The following PRORP variants were observed in gnomAD, a reference collection of about 807,000 sequenced individuals.
PRORP encodes protein only RNase P catalytic subunit.
In PRORP, 51 loss-of-function variants were observed where a neutral mutation model predicts 59.4. The observed-to-expected ratio is 0.86, with a 90% CI of 0.69 to 1.08. The LOEUF (loss-of-function observed/expected upper bound fraction) is 1.08. Among genes scored for constraint, PRORP ranks in the 50% least tolerant of loss-of-function variants. The pLI is 0.00. For synonymous variants in PRORP, 231 were observed against 245.6 expected (o/e 0.94, Z 0.55); for missense variants, 646 against 690.3 (o/e 0.94, Z 0.72).
chr14:35,256,702 C>G (rs1438700955), intron 5 of PRORP, among the ~76,000 whole-genome samples: 1 of 151,864 alleles, frequency 6.6e-6, no homozygotes, highest in Non-Finnish European at 1.5e-5. Context: ...AATGATATGT[C>G]TGGGATTTGT....
chr14:35,175,443 T>A (rs2048424295), intron 4 of PRORP, among the ~76,000 whole-genome samples: 3 of 152,118 alleles, frequency 2.0e-5, no homozygotes, highest in Admixed American at 2.0e-4. Context: ...TTCTAACTGG[T>A]GTGAGATGGT....
At chr14:35,262,374 ATTACTAG>A (rs2050928140) in intron 5 of PRORP, 1 of 314,418 alleles carries the variant, frequency 3.2e-6, no homozygotes, top group Non-Finnish European at 6.2e-6. Flanking sequence ...TTTGCCTTTT[ATTACTAG>A]CCCAACTTTT....
At chr14:35,156,795 A>G (rs2047923493) in intron 4 of PRORP, among the ~76,000 whole-genome samples, 1 of 152,200 alleles carries the variant, frequency 6.6e-6, no homozygotes, top group African/African-American at 2.4e-5. Flanking sequence ...GTGTCCCCAG[A>G]TACAATGTCA....
At chr14:35,205,409 C>T (rs528147581) in intron 5 of PRORP, among the ~76,000 whole-genome samples, 1 of 152,250 alleles carries the variant, frequency 6.6e-6, no homozygotes, top group East Asian at 1.9e-4. Context: ...AGACTGGTCT[C>T]GAACTCCTGA....
rs1394795732 is a variant in PRORP, at chr14:35,221,785, G to A, written c.1275+41008G>A. 2.6e-5 allele frequency among the ~76,000 whole-genome samples: 4 copies of A among 152,186 alleles called. No individual in the cohort carries two copies. The East Asian group carries it at 5.8e-4, about 22-fold the overall frequency. ...GGTATTCAAGAACCATATTCTCTTC[G>A]TTTTTGAAAATCACAGTCATGTTTG... is the stretch of plus-strand genomic sequence containing the variant. On this transcript the variant is annotated intron_variant, in intron 5 of 7. Coordinates refer to ENST00000534898, the MANE Select transcript of PRORP (RefSeq NM_014672.4).
intron 5 of PRORP, among the ~76,000 whole-genome samples, chr14:35,245,322 G>A (rs2050456777): frequency 6.6e-6 from 1 of 152,102 alleles, no homozygotes; most frequent in Admixed American, 6.5e-5. Flanking sequence ...CCAAATACAG[G>A]CTCACTCAGG....
rs957389220 is a variant in PRORP, at chr14:35,275,446, A to G, written c.*1880A>G. On this transcript the variant is annotated 3_prime_UTR_variant, in exon 8 of 8. Coordinates refer to ENST00000534898, the MANE Select transcript of PRORP (RefSeq NM_014672.4). ...AGCTCTCCAGGAAAACATTGGATAT[A>G]TTGAGAGCATTAAAAGATACTGCAA... The G allele has an allele frequency of 6.6e-6, 1 of 152,220 alleles. No homozygotes were observed. Among genetic ancestry groups the G allele is most frequent in the Non-Finnish European group, 1.5e-5 (1 of 68,048 alleles). 9.4% of individuals were successfully genotyped at this position (152,220 alleles called of 1,614,324 possible).
At chr14:35,252,442 C>T (rs756392435) in intron 5 of PRORP, among the ~76,000 whole-genome samples, 1 of 152,096 alleles carries the variant, frequency 6.6e-6, no homozygotes, top group African/African-American at 2.4e-5. Flanking sequence ...AAAAAACAAA[C>T]AAACAAAAAA....
At chr14:35,266,909 T>C (rs1454325267) in intron 6 of PRORP, 34 bp downstream of exon 6, 4 of 1,611,510 alleles carry the variant, frequency 2.5e-6, no homozygotes, top group Non-Finnish European at 3.4e-6. Flanking sequence ...AATTATACTG[T>C]GCTGCAGACA....
At chr14:35,264,548 A>G (rs1020712210) in intron 5 of PRORP, among the ~76,000 whole-genome samples, 3 of 152,118 alleles carry the variant, frequency 2.0e-5, no homozygotes, top group Non-Finnish European at 2.9e-5. Context: ...GTGAGCCACC[A>G]TACCCGGCCC....
intron 4 of PRORP, among the ~76,000 whole-genome samples, chr14:35,154,090 T>A (rs1165743944): frequency 6.6e-6 from 1 of 152,228 alleles, no homozygotes; most frequent in African/African-American, 2.4e-5. Context: ...ACTCCAGCTC[T>A]GCAATGTTAA....
At chr14:35,152,548 C>T (rs555841576) in intron 4 of PRORP, among the ~76,000 whole-genome samples, 2 of 145,558 alleles carry the variant, frequency 1.4e-5, no homozygotes, top group African/African-American at 2.4e-5. Flanking sequence ...GGGCAGCGGC[C>T]GGGTGGAGGC....
intron 5 of PRORP, among the ~76,000 whole-genome samples, chr14:35,199,559 C>T (rs1243892856): frequency 6.6e-6 from 1 of 152,064 alleles, no homozygotes; most frequent in Non-Finnish European, 1.5e-5. Context: ...TTCCTTTTGC[C>T]TCACTGTGTG....
At chr14:35,164,231 G>T (rs2138962791) in intron 4 of PRORP, among the ~76,000 whole-genome samples, 1 of 152,320 alleles carries the variant, frequency 6.6e-6, no homozygotes, top group South Asian at 2.1e-4. Flanking sequence ...GCAGCTTGGA[G>T]ATTTCTCAAA....
chr14:35,145,648 A>T (rs1427664582), intron 4 of PRORP, among the ~76,000 whole-genome samples: 3 of 139,450 alleles, frequency 2.2e-5, no homozygotes, highest in Non-Finnish European at 3.2e-5. Context: ...TGGACCTGGG[A>T]GGCGGAGGTT....
At chr14:35,148,635 C>T (rs2047667449) in intron 4 of PRORP, among the ~76,000 whole-genome samples, 1 of 152,140 alleles carries the variant, frequency 6.6e-6, no homozygotes. Context: ...AGAGAGTCAG[C>T]CTGTCCCTTG....
rs904202044 is a variant in PRORP at position 35,191,833 on chromosome 14, C to T, written c.1275+11056C>T. ...AGCCAGCCACAATTACTCTTTCTCACTACTCCTATATCCAGTAGACTGACA... is the reference window on the plus strand; with the variant it reads ...AGCCAGCCACAATTACTCTTTCTCATTACTCCTATATCCAGTAGACTGACA... On this transcript the variant is annotated intron_variant, in intron 5 of 7. Coordinates refer to ENST00000534898, the MANE Select transcript of PRORP (RefSeq NM_014672.4). Among the ~76,000 whole-genome samples the T allele has an allele frequency of 2.0e-5, 3 of 151,650 alleles. No homozygotes were observed. The East Asian group carries it at 5.8e-4, about 29-fold the overall frequency.
chr14:35,123,958 A>G lies in PRORP; in HGVS notation c.713A>G (p.Lys238Arg). ...TTGTTGCTGTTAGAGGACATCAAAA[A>G]AGTTATAACTCCTTCAAAAAAGAAC... ...EALLLLEDIKKVITPSKKNYN... is the reference protein window; with the variant it reads ...EALLLLEDIKRVITPSKKNYN... The change falls in exon 2 of 8, where the codon AAA becomes AGA. Residue 238 changes from lysine (K) to arginine (R), a missense_variant. Coordinates refer to ENST00000534898, the MANE Select transcript of PRORP (RefSeq NM_014672.4). 6.2e-7 allele frequency: 1 copy of G among 1,614,158 alleles called. No individual in the cohort carries two copies. The highest frequency in any genetic ancestry group is 8.5e-7 in the Non-Finnish European group (1 of 1,180,016).
At chr14:35,266,908 G>A (rs2051056465) in intron 6 of PRORP, 33 bp downstream of exon 6, 1 of 1,611,392 alleles carries the variant, frequency 6.2e-7, no homozygotes, top group African/African-American at 1.3e-5. Flanking sequence ...GAATTATACT[G>A]TGCTGCAGAC....
Sources: allele counts gnomAD v4.1 joint callset (sites outside exome capture counted in the v4.1 genomes callset), GRCh38; gene constraint gnomAD v4.1.1; transcripts MANE v1.5; gene names NCBI Gene and HGNC (gene_info 2026-07-23, HGNC 2026-07-21).